NT5DC3: variants seen among roughly 807,000 people sequenced by gnomAD.
The protein encoded by NT5DC3 is 5'-nucleotidase domain-containing protein 3.
In NT5DC3, 42 loss-of-function variants were observed where a neutral mutation model predicts 67.8. The ratio of observed to expected loss-of-function variants is 0.62; its 90% CI spans 0.48 to 0.80. NT5DC3 has a LOEUF of 0.80. Among genes scored for constraint, NT5DC3 ranks in the 30% least tolerant of loss-of-function variants. The pLI is 0.00. For missense variants in NT5DC3, 570 were observed against 696.4 expected (o/e 0.82, Z 2.04); for synonymous variants, 237 against 255.6 (o/e 0.93, Z 0.69).
intron 1 of NT5DC3, among the ~76,000 whole-genome samples, chr12:103,829,991 G>A (rs1389244478): frequency 6.6e-6 from 1 of 152,028 alleles, no homozygotes; most frequent in African/African-American, 2.4e-5. Context: ...CTACTGTCTT[G>A]AATGGTCTGC....
At chr12:103,801,406 G>A (rs796099320) in intron 4 of NT5DC3, among the ~76,000 whole-genome samples, 10 of 113,634 alleles carry the variant, frequency 8.8e-5, no homozygotes, top group African/African-American at 2.9e-4. Flanking sequence ...TTTTTGAGAC[G>A]GAGTCTTGCT....
intron 1 of NT5DC3, among the ~76,000 whole-genome samples, chr12:103,831,974 A>C (rs1189918053): frequency 6.6e-6 from 1 of 151,508 alleles, no homozygotes; most frequent in African/African-American, 2.4e-5. Context: ...ACAGGGTTTC[A>C]CCATGTTGCC....
chr12:103,811,423 C>T (rs1216957224), intron 2 of NT5DC3, among the ~76,000 whole-genome samples: 1 of 152,056 alleles, frequency 6.6e-6, no homozygotes, highest in Non-Finnish European at 1.5e-5. Context: ...TGGGGAGGCC[C>T]TCACTATGAT....
intron 6 of NT5DC3, 81 bp from the exon 7 acceptor site, chr12:103,794,078 G>A (rs1886191567): frequency 9.5e-7 from 1 of 1,049,276 alleles, no homozygotes. Flanking sequence ...GGCAGTCATG[G>A]TAACTTCTGT....
chr12:103,829,485 T>TGGA (rs745332971), intron 1 of NT5DC3, among the ~76,000 whole-genome samples: 87 of 152,368 alleles, frequency 5.7e-4, no homozygotes, highest in Non-Finnish European at 1.1e-3. Flanking sequence ...CAAGATATCT[T>TGGA]TTCCCATTCT....
chr12:103,817,019 T>C (rs1887288684), intron 1 of NT5DC3, among the ~76,000 whole-genome samples: 1 of 149,426 alleles, frequency 6.7e-6, no homozygotes, highest in African/African-American at 2.4e-5. Context: ...AGTTTTTCAT[T>C]TTCCATCCAT....
chr12:103,764,819 C>T, the NT5DC3 span, among the ~76,000 whole-genome samples: 3 of 151,922 alleles, frequency 2.0e-5, no homozygotes, highest in East Asian at 1.9e-4. Context: ...AAGTTCGGGC[C>T]GGGTGCAGTG....
chr12:103,784,998 A>C (rs527400252), intron 12 of NT5DC3, among the ~76,000 whole-genome samples: 2 of 152,138 alleles, frequency 1.3e-5, no homozygotes, highest in Non-Finnish European at 2.9e-5. Context: ...CCCAGAATGG[A>C]GAAGTCCCAC....
At chr12:103,789,100 C>T in intron 9 of NT5DC3, 181 bp from the exon 10 acceptor site, 1 of 583,654 alleles carries the variant, frequency 1.7e-6, no homozygotes. Context: ...TGTGTGAAGC[C>T]CAGTATCCAA....
rs1012795016 is a variant in NT5DC3 at position 103,813,527 on chromosome 12, A to C, written c.393+1410T>G. 4.2e-4 allele frequency among the ~76,000 whole-genome samples: 64 copies of C among 152,228 alleles called. 1 individual carries two copies. Among genetic ancestry groups the C allele is most frequent in the Non-Finnish European group, 7.8e-4 (53 of 68,030 alleles). ...TAAATCCACAGATAACTAAGAGCTGAGGGGGATCAGAAAATATGCTGAATC... is the reference window on the plus strand; with the variant it reads ...TAAATCCACAGATAACTAAGAGCTGCGGGGGATCAGAAAATATGCTGAATC... On this transcript the variant is annotated intron_variant, in intron 2 of 13. Transcript: ENST00000392876.
intron 3 of NT5DC3, among the ~76,000 whole-genome samples, 163 bp downstream of exon 3, chr12:103,806,692 C>T (rs1018832902): frequency 6.6e-6 from 1 of 152,216 alleles, no homozygotes; most frequent in African/African-American, 2.4e-5. Context: ...TACATAGTCT[C>T]TTCCAGAAGA....
At chr12:103,746,688 C>T in the NT5DC3 span, 126 of 1,613,656 alleles carry the variant, frequency 7.8e-5, 1 homozygote, top group Non-Finnish European at 8.6e-5. Context: ...ATGAAGGTGA[C>T]GGAATCACAT....
intron 9 of NT5DC3, among the ~76,000 whole-genome samples, chr12:103,790,694 C>CTTTTTTTTTTTTTTTTTTTTTTTTTTT (rs67812943): frequency 1.3e-5 from 1 of 74,412 alleles, no homozygotes; most frequent in Non-Finnish European, 2.4e-5. Context: ...CCAAGTACAT[C>CTTTTTTTTTTTTTTTTTTTTTTTTTTT]TTTTTTTTTT....
intron 1 of NT5DC3, among the ~76,000 whole-genome samples, chr12:103,829,839 C>T (rs1887847983): frequency 6.6e-6 from 1 of 151,358 alleles, no homozygotes; most frequent in African/African-American, 2.4e-5. Context: ...TTAAAAGTTC[C>T]TCCTTTAGTG....
At chr12:103,829,996 G>C (rs1354537816) in intron 1 of NT5DC3, among the ~76,000 whole-genome samples, 1 of 152,088 alleles carries the variant, frequency 6.6e-6, no homozygotes, top group African/African-American at 2.4e-5. Flanking sequence ...GTCTTGAATG[G>C]TCTGCTATCA....
At chr12:103,811,507 G>A (rs370712659) in intron 2 of NT5DC3, among the ~76,000 whole-genome samples, 3 of 152,044 alleles carry the variant, frequency 2.0e-5, no homozygotes, top group Non-Finnish European at 2.9e-5. Context: ...TAAGGAAAAC[G>A]CACATAGCAC....
chr12:103,800,400 C>A (rs1400739052), intron 4 of NT5DC3, among the ~76,000 whole-genome samples: 1 of 152,246 alleles, frequency 6.6e-6, no homozygotes, highest in African/African-American at 2.4e-5. Flanking sequence ...TCAGCCCTTG[C>A]TGAGTAGCAG....
At chr12:103,782,643 A>G (rs1270493440) in intron 12 of NT5DC3, among the ~76,000 whole-genome samples, 1 of 152,204 alleles carries the variant, frequency 6.6e-6, no homozygotes, top group Admixed American at 6.5e-5. Flanking sequence ...AGCGGCTACC[A>G]ATGCCAGCAC....
chr12:103,815,610 C>T (rs1296661218), intron 1 of NT5DC3, among the ~76,000 whole-genome samples: 1 of 151,710 alleles, frequency 6.6e-6, no homozygotes, highest in Non-Finnish European at 1.5e-5. Context: ...TTTGTAGAGA[C>T]AGGGTCTCCC....
Sources: gnomAD v4.1 joint callset for allele counts (sites outside exome capture counted in the v4.1 genomes callset) on GRCh38, gnomAD v4.1.1 for gene constraint, MANE v1.5 for transcripts, NCBI Gene and HGNC (gene_info 2026-07-23, HGNC 2026-07-21) for gene names.